Variants in SHANK2 observed in about 807,000 individuals in gnomAD.
The protein encoded by SHANK2 is SH3 and multiple ankyrin repeat domains 2.
SHANK2 carries 43 observed loss-of-function variants against 133.7 expected under a neutral mutation model. That is an observed-to-expected ratio of 0.32 (90% CI 0.25 to 0.41). The LOEUF is 0.41. Ranked by LOEUF, SHANK2 falls within the 10% of genes least tolerant of loss-of-function variation. The pLI is 1.00. For synonymous variants in SHANK2, 1,017 were observed against 952.8 expected, an observed-to-expected ratio of 1.07 and a Z score of -1.24; for missense variants, 1,994 against 2,235.8, an observed-to-expected ratio of 0.89 and a Z score of 2.18.
chr11:70,867,914 T>G (rs1555069391), intron 11 of SHANK2, among the ~76,000 whole-genome samples: 1 of 152,258 alleles, frequency 6.6e-6, no homozygotes, highest in Non-Finnish European at 1.5e-5. Context: ...GGACTTCATG[T>G]ACTGACAGTG....
intron 10 of SHANK2, among the ~76,000 whole-genome samples, chr11:70,930,244 T>C (rs1555082261): frequency 6.6e-6 from 1 of 152,158 alleles, no homozygotes. Context: ...GAAGGAAGCA[T>C]GTCCTTCCCA....
chr11:70,781,230 C>G (rs1947478956), intron 14 of SHANK2, among the ~76,000 whole-genome samples: 1 of 151,922 alleles, frequency 6.6e-6, no homozygotes, highest in Non-Finnish European at 1.5e-5. Flanking sequence ...AACGACAATA[C>G]TGAACACACA....
chr11:70,579,738 C>T (rs7106873), intron 17 of SHANK2, among the ~76,000 whole-genome samples: 72,397 of 152,114 alleles, frequency 0.48, 17,718 homozygotes, highest in African/African-American at 0.59. Flanking sequence ...GACCATAAGC[C>T]GCAAAAGGGA....
intron 11 of SHANK2, among the ~76,000 whole-genome samples, chr11:70,851,684 T>C (rs539492059): frequency 4.7e-4 from 71 of 152,312 alleles, no homozygotes; most frequent in Non-Finnish European, 7.9e-4. Context: ...ACAAACTTTT[T>C]AAAAAACTTA....
chr11:70,573,692 G>T (rs1209628691), intron 17 of SHANK2, among the ~76,000 whole-genome samples: 3 of 152,106 alleles, frequency 2.0e-5, no homozygotes, highest in Non-Finnish European at 4.4e-5. Flanking sequence ...CACATCCCAC[G>T]CAAGCCCCTG....
intron 17 of SHANK2, among the ~76,000 whole-genome samples, chr11:70,627,904 T>C (rs574575537): frequency 6.6e-6 from 1 of 152,310 alleles, no homozygotes; most frequent in South Asian, 2.1e-4. Flanking sequence ...TCAACCTGGA[T>C]TGGACCTCAA....
chr11:71,171,343 G>T (rs927292482), intron 2 of SHANK2, among the ~76,000 whole-genome samples: 1 of 152,200 alleles, frequency 6.6e-6, no homozygotes, highest in South Asian at 2.1e-4. Context: ...ACCAGAGAAG[G>T]TGATGGCGTA....
chr11:70,810,526 C>G (rs1209597053), intron 12 of SHANK2, among the ~76,000 whole-genome samples: 1 of 152,242 alleles, frequency 6.6e-6, no homozygotes, highest in Non-Finnish European at 1.5e-5. Context: ...TCTCCTTGAA[C>G]TTCCCTTAAT....
intron 2 of SHANK2, among the ~76,000 whole-genome samples, chr11:71,163,086 A>AAAAAAAAAAAAAAAAAAAAG (rs1953054596): frequency 8.9e-6 from 1 of 111,938 alleles, no homozygotes; most frequent in African/African-American, 3.3e-5. Flanking sequence ...AAAAAAAAAA[A>AAAAAAAAAAAAAAAAAAAAG]AAAAAAAATA....
At chr11:70,781,082 G>A (rs950153763) in intron 14 of SHANK2, among the ~76,000 whole-genome samples, 2 of 151,994 alleles carry the variant, frequency 1.3e-5, no homozygotes, top group Non-Finnish European at 2.9e-5. Flanking sequence ...CCCAAGGAGT[G>A]AGGGGTTCCA....
intron 10 of SHANK2, among the ~76,000 whole-genome samples, chr11:70,928,297 G>A (rs893306450): frequency 2.0e-5 from 3 of 152,168 alleles, no homozygotes; most frequent in African/African-American, 7.2e-5. Flanking sequence ...AGGCTTGTAT[G>A]CTTGAAGGGG....
intron 21 of SHANK2, among the ~76,000 whole-genome samples, chr11:70,492,787 GTTTTTTTTTTTTTTT>G (rs34452642): frequency 1.4e-5 from 1 of 70,590 alleles, no homozygotes; most frequent in Non-Finnish European, 2.5e-5. Context: ...ACATTTCTGT[GTTTTTTTTTTTTTTT>G]TTTTTTTTTT....
At chr11:70,497,130 A>AC in intron 21 of SHANK2, 2 of 430,346 alleles carry the variant, frequency 4.6e-6, no homozygotes, top group South Asian at 3.4e-5. Context: ...AAAAAGGAAA[A>AC]CCCTGCATTG....
intron 15 of SHANK2, chr11:70,661,988 AG>A: frequency 1.6e-6 from 1 of 618,650 alleles, no homozygotes; most frequent in Non-Finnish European, 2.9e-6. Flanking sequence ...TGGAGGCTCA[AG>A]GGGGGCTGGC....
chr11:70,486,162 C>T lies in SHANK2; in HGVS notation c.4131G>A (p.Ala1377=), dbSNP rs151081661. ...TCACCGCCTCTTCCATGGAGCCCACCGCGACGATGGTTCTGCCGGGCACGG... is the reference window on the plus strand; with the variant it reads ...TCACCGCCTCTTCCATGGAGCCCACTGCGACGATGGTTCTGCCGGGCACGG... The part of the protein sequence containing the change: ...PTTVPGRTIV[A]VGSMEEAVIL... The change falls in exon 25 of 26, where the codon GCG becomes GCA. Residue 1377 remains alanine, a synonymous_variant. Coordinates refer to ENST00000601538, the MANE Select transcript of SHANK2 (RefSeq NM_012309.5). The surrounding 1 kb of genome is among the most constrained non-coding windows in gnomAD (Gnocchi z 8.0). The T allele has an allele frequency of 2.1e-4, 335 of 1,613,808 alleles. No homozygotes were observed. Among genetic ancestry groups the T allele is most frequent in the Non-Finnish European group, 2.6e-4 (308 of 1,179,864 alleles).
At chr11:71,115,636 C>T (rs548983012) in intron 4 of SHANK2, among the ~76,000 whole-genome samples, 1 of 152,156 alleles carries the variant, frequency 6.6e-6, no homozygotes, top group African/African-American at 2.4e-5. Context: ...CCGGACATCA[C>T]TACTAACATT....
chr11:70,511,165 A>G (rs1424429755), intron 17 of SHANK2, among the ~76,000 whole-genome samples: 1 of 152,238 alleles, frequency 6.6e-6, no homozygotes, highest in Admixed American at 6.5e-5. Context: ...TTCTATGGGA[A>G]GAGTGGGGCA....
At chr11:70,550,568 C>T (rs541858663) in intron 17 of SHANK2, among the ~76,000 whole-genome samples, 4 of 152,342 alleles carry the variant, frequency 2.6e-5, no homozygotes, top group South Asian at 2.1e-4. Flanking sequence ...GCGAGGCCTC[C>T]GTTCAGGAGG....
At chr11:71,214,777 T>C (rs1297519609) in intron 2 of SHANK2, among the ~76,000 whole-genome samples, 1 of 152,170 alleles carries the variant, frequency 6.6e-6, no homozygotes, top group African/African-American at 2.4e-5. Flanking sequence ...CTGGGACCCA[T>C]GCAGCTGTCC....
Sources: allele counts gnomAD v4.1 joint callset (sites outside exome capture counted in the v4.1 genomes callset), GRCh38; gene constraint gnomAD v4.1.1; non-coding constraint Gnocchi (gnomAD v3.1); transcripts MANE v1.5; gene names NCBI Gene and HGNC (gene_info 2026-07-23, HGNC 2026-07-21).